The following TRIO variants were observed in gnomAD, a reference collection of about 807,000 sequenced individuals.
The protein encoded by TRIO is triple functional domain protein.
Under a neutral mutation model 351.9 loss-of-function variants are expected in TRIO, and 58 were observed. That is an observed-to-expected ratio of 0.16 (90% CI 0.13 to 0.21). The LOEUF (loss-of-function observed/expected upper bound fraction) is 0.21. TRIO is among the 10% of genes least tolerant of loss of function. The pLI, the probability that TRIO is intolerant of heterozygous loss-of-function variation, is 1.00. For missense variants in TRIO, 3,201 were observed against 4,027.8 expected, an observed-to-expected ratio of 0.79 and a Z score of 5.56; for synonymous variants, 1,758 against 1,595.7, an observed-to-expected ratio of 1.10 and a Z score of -2.42.
intron 48 of TRIO, chr5:14,489,257 A>AT (rs1346247411): frequency 2.1e-6 from 1 of 479,112 alleles, no homozygotes; most frequent in African/African-American, 1.9e-5. Flanking sequence ...CTTTCCTACT[A>AT]TTTTTTGTTA....
chr5:14,456,970 A>G (rs148308137), intron 34 of TRIO, among the ~76,000 whole-genome samples: 13 of 152,324 alleles, frequency 8.5e-5, no homozygotes, highest in African/African-American at 3.1e-4. Flanking sequence ...GAGCATAGAC[A>G]TGGGCTGTTA....
intron 1 of TRIO, among the ~76,000 whole-genome samples, chr5:14,201,544 G>T (rs1294849210): frequency 6.6e-6 from 1 of 152,140 alleles, no homozygotes; most frequent in African/African-American, 2.4e-5. Flanking sequence ...TAACTTTGAG[G>T]ATTACGTGTA....
intron 34 of TRIO, among the ~76,000 whole-genome samples, chr5:14,422,905 G>T (rs530043987): frequency 6.6e-6 from 1 of 152,142 alleles, no homozygotes; most frequent in Admixed American, 6.5e-5. Context: ...TGGGAGGATC[G>T]CTTGAGGCCA....
Position 14,358,256 on chromosome 5 carries a change from C to G in TRIO, c.2125C>G (p.Leu709Val). 6.2e-7 allele frequency: 1 copy of G among 1,614,144 alleles called. No homozygotes were observed. The highest frequency in any genetic ancestry group is 8.5e-7 in the Non-Finnish European group (1 of 1,180,010). The part of the protein sequence containing the change: ...YAESVEAVQD[L>V]IKRFGQQQQT... The stretch of plus-strand genomic sequence containing the variant: ...CGAGTCGGTGGAGGCCGTGCAGGAC[C>G]TCATCAAGCGCTTTGGCCAGCAGCA... Residue 709 changes from leucine to valine, a missense_variant, in exon 12 of 57, where the codon CTC becomes GTC. By Grantham distance (32) the Leu-to-Val change is conservative. This residue lies in a region of TRIO where 363 missense variants were observed against 553.5 expected (regional missense o/e 0.66). Transcript: ENST00000344204.
At chr5:14,360,572 C>T (rs1744056509) in intron 13 of TRIO, among the ~76,000 whole-genome samples, 1 of 152,244 alleles carries the variant, frequency 6.6e-6, no homozygotes, top group African/African-American at 2.4e-5. Context: ...AATTCATCAG[C>T]AGTCCTTGGC....
In TRIO at chr5:14,240,476, G is replaced by A. The variant is rs141875709; in HGVS notation, c.158-30349G>A. On this transcript the variant is annotated intron_variant, in intron 1 of 56. Coordinates refer to ENST00000344204, the MANE Select transcript of TRIO (RefSeq NM_007118.4). ...TGTTTTCCCGTTCTTTTACATCACAGCAGATTTTCATTCTTCTCCTCTTTC... is the reference window on the plus strand; with the variant it reads ...TGTTTTCCCGTTCTTTTACATCACAACAGATTTTCATTCTTCTCCTCTTTC... 1.7e-4 allele frequency among the ~76,000 whole-genome samples: 26 copies of A among 152,278 alleles called. No individual in the cohort carries two copies. The East Asian group carries it at 5.0e-3, about 29-fold the overall frequency.
At chr5:14,386,765 A>G (rs750814101) in intron 21 of TRIO, among the ~76,000 whole-genome samples, 5 of 152,230 alleles carry the variant, frequency 3.3e-5, no homozygotes, top group South Asian at 2.1e-4. Flanking sequence ...TTAATGAAAG[A>G]TCTTTTCTGT....
chr5:14,266,270 C>T (rs1795671160), intron 1 of TRIO, among the ~76,000 whole-genome samples: 1 of 152,128 alleles, frequency 6.6e-6, no homozygotes, highest in Admixed American at 6.5e-5. Flanking sequence ...CCATTCTGCC[C>T]AGGCTGGCCT....
At chr5:14,318,057 G>T (rs1283239356) in intron 9 of TRIO, among the ~76,000 whole-genome samples, 2 of 152,036 alleles carry the variant, frequency 1.3e-5, no homozygotes, top group Non-Finnish European at 2.9e-5. Flanking sequence ...AACCCAGGAG[G>T]CGGAGGTTGC....
chr5:14,143,876 C>G lies in TRIO; in HGVS notation c.151C>G (p.Arg51Gly). 1.9e-6 allele frequency: 2 copies of G among 1,077,262 alleles called. No individual in the cohort carries two copies. The highest frequency in any genetic ancestry group is 2.2e-6 in the Non-Finnish European group (2 of 890,100). The allele number at this position is 1,077,262 out of a possible 1,614,324, so 66.7% of individuals were successfully genotyped here. A position where few individuals can be genotyped will look rare whatever the true frequency, so the allele number is the denominator to read the frequency against. The change falls in exon 1 of 57, where the codon CGA (arginine) becomes GGA (glycine). Residue 51 changes from arginine to glycine, a missense_variant. By Grantham distance (125) the Arg-to-Gly change is moderately radical. Around this residue, in one of 19 missense-constraint regions of TRIO, gnomAD observed 109 missense variants for 134.6 expected, o/e 0.81. Coordinates refer to ENST00000344204, the MANE Select transcript of TRIO (RefSeq NM_007118.4). ...KDLADIAAFF[R>G]SGFRKNDEMK... ...CCTGGCCGACATCGCGGCCTTCTTC[C>G]GATCCGGTGAGTGCAACTGCGGCCG...
chr5:14,408,648 A>ATAAAG (rs1748922856), intron 33 of TRIO, among the ~76,000 whole-genome samples: 1 of 152,124 alleles, frequency 6.6e-6, no homozygotes, highest in South Asian at 2.1e-4. Flanking sequence ...TTACTTTTTA[A>ATAAAG]TAAAGTAATC....
intron 1 of TRIO, among the ~76,000 whole-genome samples, chr5:14,152,305 GCAAAACAAAA>G (rs1355712375): frequency 2.6e-5 from 4 of 152,164 alleles, no homozygotes; most frequent in Non-Finnish European, 4.4e-5. Flanking sequence ...AGCTCGAAAA[GCAAAACAAAA>G]CAAAACAAAC....
At chr5:14,381,973 C>T (rs887437406) in intron 21 of TRIO, among the ~76,000 whole-genome samples, 1 of 152,208 alleles carries the variant, frequency 6.6e-6, no homozygotes, top group Non-Finnish European at 1.5e-5. Context: ...CTTCCAAGAA[C>T]TCACAACAGT....
intron 1 of TRIO, among the ~76,000 whole-genome samples, chr5:14,181,672 C>A (rs1789776976): frequency 6.6e-6 from 1 of 152,192 alleles, no homozygotes; most frequent in Non-Finnish European, 1.5e-5. Flanking sequence ...ATTTCAGTGT[C>A]CTGAAAACGC....
At chr5:14,251,230 A>C (rs1347858800) in intron 1 of TRIO, among the ~76,000 whole-genome samples, 7 of 152,128 alleles carry the variant, frequency 4.6e-5, no homozygotes, top group African/African-American at 1.7e-4. Flanking sequence ...ATGATTTTAA[A>C]AGTGAAACTG....
intron 34 of TRIO, among the ~76,000 whole-genome samples, chr5:14,448,976 G>A (rs901974145): frequency 3.9e-5 from 6 of 152,174 alleles, no homozygotes; most frequent in African/African-American, 1.4e-4. Flanking sequence ...AAAAAGCAGT[G>A]AAAATGGCCC....
At chr5:14,481,687 C>T (rs1579783044) in intron 45 of TRIO, 69 bp downstream of exon 45, 1 of 1,525,436 alleles carries the variant, frequency 6.6e-7, no homozygotes, top group East Asian at 2.3e-5. Flanking sequence ...TGGATTATTT[C>T]TCTCCACATA....
At position 14,498,139 on chromosome 5, in the gene TRIO, G is replaced by C. The variant is rs755625124; in HGVS notation, c.8098G>C (p.Glu2700Gln). 6.2e-7 allele frequency: 1 copy of C among 1,614,196 alleles called. No homozygotes were observed. Among genetic ancestry groups the C allele is most frequent in the East Asian group, 2.2e-5 (1 of 44,880 alleles). The change falls in exon 52 of 57, where the codon GAG becomes CAG. Residue 2700 changes from glutamate to glutamine, a missense_variant. Transcript: ENST00000344204. The stretch of plus-strand genomic sequence containing the variant: ...GAGTGAGGTCACGTGTGAGACAGGG[G>C]AGACCGTTGTTCTTAGATGTCGAGT... Reference protein sequence around the residue: ...PLSEVTCETGETVVLRCRVCG... With the variant: ...PLSEVTCETGQTVVLRCRVCG...
chr5:14,184,868 G>A (rs914976975), intron 1 of TRIO, among the ~76,000 whole-genome samples: 1 of 152,124 alleles, frequency 6.6e-6, no homozygotes, highest in Non-Finnish European at 1.5e-5. Context: ...CTAATCTAAT[G>A]CACGAGGGCA....
Sources: allele counts gnomAD v4.1 joint callset (sites outside exome capture counted in the v4.1 genomes callset), GRCh38; gene constraint gnomAD v4.1.1; regional missense constraint gnomAD v4.1.1; transcripts MANE v1.5; gene names NCBI Gene and HGNC (gene_info 2026-07-23, HGNC 2026-07-21).